Variants in TJP3 observed in about 807,000 individuals in gnomAD.
TJP3 encodes tight junction protein 3.
A neutral mutation model predicts 104.2 loss-of-function variants in TJP3; 85 were observed. The ratio of observed to expected loss-of-function variants is 0.82; its 90% CI spans 0.68 to 0.98. TJP3 has a LOEUF of 0.98. Ranked by LOEUF, TJP3 falls within the 50% of genes least tolerant of loss-of-function variation. TJP3 has a pLI of 0.00. For missense variants in TJP3, 1,367 were observed against 1,322.8 expected, an observed-to-expected ratio of 1.03 and a Z score of -0.52; for synonymous variants, 550 against 550.6, an observed-to-expected ratio of 1.00 and a Z score of 0.02.
intron 1 of TJP3, among the ~76,000 whole-genome samples, chr19:3,724,345 G>A (rs555175079): frequency 9.2e-5 from 14 of 152,194 alleles, no homozygotes; most frequent in Middle Eastern, 6.8e-3. Flanking sequence ...ACAGGCGCCG[G>A]CCACCACGCC....
chr19:3,746,710 G>A lies in TJP3; in HGVS notation c.2221+15G>A, dbSNP rs1271323951. 7 of 1,606,364 alleles carry A rather than the reference G, an allele frequency of 4.4e-6. No individual in the cohort carries two copies. The East Asian group carries it at 1.3e-4, about 31-fold the overall frequency. On this transcript the variant is annotated intron_variant, in intron 17 of 20. Transcript: ENST00000541714. The surrounding 1 kb of genome is among the most constrained non-coding windows in gnomAD (Gnocchi z 4.1). Reference sequence around the variant, plus strand: ...CCTCTTCACAGGTTGGGGGGTGGGTGTCCCAGGGTAGGCGGGTGGGCCCCA... The same window carrying A: ...CCTCTTCACAGGTTGGGGGGTGGGTATCCCAGGGTAGGCGGGTGGGCCCCA...
chr19:3,734,480 G>A, intron 8 of TJP3, 45 bp downstream of exon 8: 2 of 1,539,864 alleles, frequency 1.3e-6, no homozygotes, highest in Non-Finnish European at 1.8e-6. Context: ...GAGGGAGAGG[G>A]AGGTGGGAGG....
At chr19:3,719,181 T>G (rs1261183053) in intron 1 of TJP3, among the ~76,000 whole-genome samples, 1 of 151,874 alleles carries the variant, frequency 6.6e-6, no homozygotes, top group East Asian at 2.0e-4. Flanking sequence ...AGTGTCCGTC[T>G]TGGGGGGTGG....
At chr19:3,717,295 G>A (rs1206579446) in intron 1 of TJP3, among the ~76,000 whole-genome samples, 1 of 138,538 alleles carries the variant, frequency 7.2e-6, no homozygotes, top group Non-Finnish European at 1.7e-5. Context: ...TACAGACAGA[G>A]TTTCACCATG....
chr19:3,748,198 G>A (rs2036933147), intron 19 of TJP3, 117 bp downstream of exon 19: 1 of 1,328,534 alleles, frequency 7.5e-7, no homozygotes, highest in Non-Finnish European at 1.0e-6. Flanking sequence ...CGGCTTCCCT[G>A]GTCAGACTGG....
rs1285803344 is a variant in TJP3 at position 3,750,588 on chromosome 19, T to C, written c.2664T>C (p.Tyr888=). The C allele has an allele frequency of 1.9e-6, 3 of 1,603,910 alleles. No individual in the cohort carries two copies. The highest frequency in any genetic ancestry group is 1.7e-5 in the Admixed American group (1 of 58,302). ...TCTATTTCCTGATCCCCAGAACCTA[T>C]GAACGGGAAGCCCTGAAGAAAAAGT... The part of the protein sequence containing the change: ...GQWRQDSMRT[Y]EREALKKKFM... The change falls in exon 21 of 21, where the codon TAT becomes TAC. Residue 888 remains tyrosine (Y), a synonymous_variant. Coordinates refer to ENST00000541714, the MANE Select transcript of TJP3 (RefSeq NM_001267560.2).
chr19:3,718,480 G>C (rs1363779953), intron 1 of TJP3, among the ~76,000 whole-genome samples: 1 of 150,544 alleles, frequency 6.6e-6, no homozygotes, highest in African/African-American at 2.4e-5. Flanking sequence ...GGTGGTGGGG[G>C]GCGGGGTGGA....
intron 14 of TJP3, 54 bp downstream of exon 14, chr19:3,740,817 G>C: frequency 6.9e-7 from 1 of 1,444,320 alleles, no homozygotes; most frequent in Non-Finnish European, 9.2e-7. Context: ...AGCTCCTGGT[G>C]CACCTGTTCA....
At chr19:3,711,482 AGCCACCGCGTCCG>A (rs1329962926) in intron 1 of TJP3, among the ~76,000 whole-genome samples, 3 of 148,274 alleles carry the variant, frequency 2.0e-5, no homozygotes, top group Non-Finnish European at 4.5e-5. Flanking sequence ...TACAGGCGTG[AGCCACCGCGTCCG>A]GCCAAAATGA....
Position 3,746,036 on chromosome 19 carries a change from C to T in TJP3, c.1965C>T (p.Pro655=), listed in dbSNP as rs1311762161. The change falls in exon 16 of 21, where the codon CCC becomes CCT. Residue 655 remains proline (P), a synonymous_variant. Transcript: ENST00000541714. The surrounding 1 kb of genome is among the most constrained non-coding windows in gnomAD (Gnocchi z 4.1). ...IAETVSRTDS[P]SKIIKLDTVR... is the part of the protein sequence containing the mutation. ...AGACTGTGTCCAGGACCGACAGCCC[C>T]TCCAAGATCATCAAACTAGACACCG... 1 of 1,609,636 alleles carries T rather than the reference C, an allele frequency of 6.2e-7. No homozygotes were observed. The highest frequency in any genetic ancestry group is 2.2e-5 in the East Asian group (1 of 44,798).
intron 1 of TJP3, among the ~76,000 whole-genome samples, chr19:3,721,144 C>G (rs965293010): frequency 2.0e-5 from 3 of 152,156 alleles, no homozygotes; most frequent in African/African-American, 7.2e-5. Context: ...TCGTGATCCG[C>G]TCGCCTCGGC....
chr19:3,741,917 C>T lies in TJP3; in HGVS notation c.1843+1154C>T, dbSNP rs144142380. On this transcript the variant is annotated intron_variant, in intron 14 of 20. Coordinates refer to ENST00000541714, the MANE Select transcript of TJP3 (RefSeq NM_001267560.2). ...CCCGGGAGGCAGAGGTTGCAGTGAG[C>T]GGAGATCACACCACTGCACTCCAGC... 6.2e-3 allele frequency among the ~76,000 whole-genome samples: 940 copies of T among 152,072 alleles called. 10 individuals carry two copies. Among genetic ancestry groups the T allele is most frequent in the African/African-American group, 0.021 (874 of 41,458 alleles).
At chr19:3,721,869 G>T in intron 1 of TJP3, 1 of 1,225,624 alleles carries the variant, frequency 8.2e-7, no homozygotes, top group Non-Finnish European at 1.0e-6. Flanking sequence ...CGGGTAGGGG[G>T]GCTGGAGAGC....
At position 3,730,744 on chromosome 19, in the gene TJP3, G is replaced by T; in HGVS notation, c.613+38G>T. 6.4e-7 allele frequency: 1 copy of T among 1,563,564 alleles called. No individual in the cohort carries two copies. Among genetic ancestry groups the T allele is most frequent in the Non-Finnish European group, 8.6e-7 (1 of 1,156,924 alleles). The stretch of plus-strand genomic sequence containing the variant: ...GGGAGGTCGGACACGATCAGTACTG[G>T]ACACAGGGCACCGTGGTCGGATGGG... On this transcript the variant is annotated intron_variant, in intron 5 of 20. Coordinates refer to ENST00000541714, the MANE Select transcript of TJP3 (RefSeq NM_001267560.2). The surrounding 1 kb of genome is among the most constrained non-coding windows in gnomAD (Gnocchi z 7.3).
chr19:3,746,835 C>G lies in TJP3; in HGVS notation c.2281C>G (p.Arg761Gly), dbSNP rs370622256. ...GTACCAGGAGCTCAAGGCCATCATT[C>G]GAGAGCAGCAGACGCGGCCCATCTG... ...TWYQELKAII[R>G]EQQTRPIWTA... is the part of the protein sequence containing the mutation. Residue 761 changes from arginine (R) to glycine (G), a missense_variant, in exon 18 of 21, where the codon CGA (arginine) becomes GGA (glycine). Physicochemically the swap from Arg to Gly is moderately radical, Grantham distance 125. Transcript: ENST00000541714. This position sits in a 1 kb window ranked among gnomAD's most constrained non-coding sequence, Gnocchi z 4.1. 12 of 1,611,908 alleles carry G rather than the reference C, an allele frequency of 7.4e-6. No individual in the cohort carries two copies. In the African/African-American group the frequency reaches 9.3e-5, roughly 13 times the overall value.
At chr19:3,727,377 G>C (rs2036610757) in intron 1 of TJP3, among the ~76,000 whole-genome samples, 1 of 151,604 alleles carries the variant, frequency 6.6e-6, no homozygotes, top group Admixed American at 6.6e-5. Flanking sequence ...CAGATACTTG[G>C]GATGCTGAGG....
At chr19:3,736,934 CG>C (rs957917554) in intron 11 of TJP3, among the ~76,000 whole-genome samples, 1 of 144,742 alleles carries the variant, frequency 6.9e-6, no homozygotes, top group Non-Finnish European at 1.5e-5. Flanking sequence ...GGCTGGAGTG[CG>C]GGGGTGTGAT....
rs773191273 is a variant in TJP3, at chr19:3,728,427, G to A, written c.-6G>A. 5.0e-5 allele frequency: 80 copies of A among 1,614,070 alleles called. No homozygotes were observed. The Middle Eastern group carries it at 6.6e-4, about 13-fold the overall frequency. On this transcript the variant is annotated 5_prime_UTR_variant, in exon 2 of 21. Transcript: ENST00000541714. The stretch of plus-strand genomic sequence containing the variant: ...CTTCCCCGCTCCCCTCGACCAGGTG[G>A]CTGACATGGAGGAGCTGACCATCTG...
chr19:3,748,206 TG>T, intron 19 of TJP3, 125 bp downstream of exon 19: 2 of 1,288,812 alleles, frequency 1.6e-6, no homozygotes, highest in East Asian at 2.6e-5. Flanking sequence ...CTGGTCAGAC[TG>T]GTTTCTGGGA....
Sources: gnomAD v4.1 joint callset for allele counts (sites outside exome capture counted in the v4.1 genomes callset) on GRCh38, gnomAD v4.1.1 for gene constraint, Gnocchi (gnomAD v3.1) non-coding constraint, MANE v1.5 for transcripts, NCBI Gene and HGNC (gene_info 2026-07-23, HGNC 2026-07-21) for gene names.